OSTF1: variants seen among roughly 807,000 people sequenced by gnomAD.
The protein encoded by OSTF1 is osteoclast stimulating factor 1, also known as osteoclast-stimulating factor 1.
A neutral mutation model predicts 37.2 loss-of-function variants in OSTF1; 27 were observed. That is an observed-to-expected ratio of 0.73 (90% CI 0.54 to 1.00). The LOEUF (loss-of-function observed/expected upper bound fraction) is 1.00, where lower values mean the gene tolerates loss of function less well. Ranked by LOEUF, OSTF1 falls within the 50% of genes least tolerant of loss-of-function variation. The pLI is 0.00. For missense variants in OSTF1, 232 were observed against 253.8 expected (o/e 0.91, Z 0.58); for synonymous variants, 82 against 89.2 (o/e 0.92, Z 0.46).
intron 2 of OSTF1, 107 bp downstream of exon 2, chr9:75,117,657 G>T: frequency 1.2e-6 from 1 of 815,478 alleles, no homozygotes; most frequent in South Asian, 1.5e-5. Flanking sequence ...GATAGACCTA[G>T]GTAATTCTCA....
chr9:75,096,500 C>T (rs571007792), intron 1 of OSTF1, among the ~76,000 whole-genome samples: 4 of 152,330 alleles, frequency 2.6e-5, no homozygotes, highest in Admixed American at 2.0e-4. Context: ...GGGAGACCCT[C>T]TAACCAACTC....
intron 1 of OSTF1, among the ~76,000 whole-genome samples, chr9:75,103,496 T>A (rs1235882520): frequency 6.6e-6 from 1 of 152,246 alleles, no homozygotes; most frequent in Non-Finnish European, 1.5e-5. Context: ...CAGTTTTTCT[T>A]CTATGCAGAT....
chr9:75,119,968 A>T (rs980539517), intron 2 of OSTF1, among the ~76,000 whole-genome samples: 11 of 151,454 alleles, frequency 7.3e-5, no homozygotes, highest in African/African-American at 1.7e-4. Flanking sequence ...GTCTTAATAA[A>T]AAAAAAAAAA....
intron 1 of OSTF1, among the ~76,000 whole-genome samples, chr9:75,111,136 C>T (rs4745379): frequency 0.97 from 148,331 of 152,280 alleles, 72,260 homozygotes; most frequent in East Asian, 1. Flanking sequence ...CCCAGGCCCG[C>T]CTAAGTGCTG....
intron 1 of OSTF1, among the ~76,000 whole-genome samples, chr9:75,091,494 C>G (rs1024807709): frequency 3.3e-5 from 5 of 152,168 alleles, no homozygotes; most frequent in African/African-American, 9.7e-5. Flanking sequence ...TACAGACTTT[C>G]TTGTCACAAA....
intron 2 of OSTF1, among the ~76,000 whole-genome samples, chr9:75,123,339 G>C (rs1188517925): frequency 2.6e-5 from 4 of 152,168 alleles, no homozygotes; most frequent in Non-Finnish European, 4.4e-5. Flanking sequence ...GGAGAATGGC[G>C]TGAACCCTTG....
chr9:75,115,994 C>T (rs1467630188), intron 1 of OSTF1, among the ~76,000 whole-genome samples: 2 of 152,056 alleles, frequency 1.3e-5, no homozygotes, highest in Non-Finnish European at 2.9e-5. Context: ...GTCCCAGTCA[C>T]TCTGGAGGCT....
At chr9:75,136,366 C>T (rs933958845) in intron 7 of OSTF1, among the ~76,000 whole-genome samples, 19 of 152,094 alleles carry the variant, frequency 1.2e-4, no homozygotes, top group African/African-American at 4.1e-4. Flanking sequence ...AGGCTTTCCA[C>T]GAACACTTGG....
chr9:75,145,713 G>C (rs1323318284), intron 9 of OSTF1, among the ~76,000 whole-genome samples: 2 of 152,198 alleles, frequency 1.3e-5, no homozygotes, highest in African/African-American at 4.8e-5. Context: ...TGACAGATGA[G>C]TTCTTTTTGG....
intron 9 of OSTF1, among the ~76,000 whole-genome samples, chr9:75,142,805 TCTTG>T (rs1825963380): frequency 6.6e-6 from 1 of 152,226 alleles, no homozygotes; most frequent in Admixed American, 6.5e-5. Context: ...AAATGTTTTT[TCTTG>T]CTTCATTTCC....
intron 7 of OSTF1, among the ~76,000 whole-genome samples, chr9:75,136,360 T>C (rs1825843025): frequency 6.6e-6 from 1 of 152,232 alleles, no homozygotes; most frequent in Admixed American, 6.5e-5. Flanking sequence ...TATTGTAGGC[T>C]TTCCACGAAC....
chr9:75,098,440 T>C (rs1187064988), intron 1 of OSTF1, among the ~76,000 whole-genome samples: 1 of 152,168 alleles, frequency 6.6e-6, no homozygotes, highest in Non-Finnish European at 1.5e-5. Flanking sequence ...TTTCTTTTCT[T>C]GTAGCTGTCT....
intron 8 of OSTF1, among the ~76,000 whole-genome samples, chr9:75,139,513 C>T (rs1177971323): frequency 6.6e-6 from 1 of 152,132 alleles, no homozygotes; most frequent in Non-Finnish European, 1.5e-5. Context: ...ATTGCAGTCT[C>T]CGCCTCCTGG....
chr9:75,126,866 C>T (rs1340775774), intron 2 of OSTF1, among the ~76,000 whole-genome samples: 1 of 152,210 alleles, frequency 6.6e-6, no homozygotes, highest in Non-Finnish European at 1.5e-5. Flanking sequence ...GCTGGGATTA[C>T]AGGCATGAGC....
chr9:75,099,200 A>C (rs554956781), intron 1 of OSTF1, among the ~76,000 whole-genome samples: 1 of 151,876 alleles, frequency 6.6e-6, no homozygotes, highest in Non-Finnish European at 1.5e-5. Context: ...GGCCTCCCAA[A>C]GTGCTGGGAT....
chr9:75,097,255 C>T (rs933409673), intron 1 of OSTF1, among the ~76,000 whole-genome samples: 13 of 152,154 alleles, frequency 8.5e-5, no homozygotes, highest in South Asian at 6.2e-4. Context: ...TGGGCCTATC[C>T]GAAGCTGAAA....
At chr9:75,146,339 A>T (rs1190963421) in intron 9 of OSTF1, among the ~76,000 whole-genome samples, 1 of 152,186 alleles carries the variant, frequency 6.6e-6, no homozygotes. Flanking sequence ...TCAGGCTGTC[A>T]CTGGGAGAGG....
At position 75,146,667 on chromosome 9, in the gene OSTF1, C is replaced by T. The variant is rs773186063; in HGVS notation, c.587-16C>T. ...TAATTTCCCTATTTTGCTTTTTTCCCTCCTCTTTCTTTCAGATGCAGTTCG... is the reference window on the plus strand; with the variant it reads ...TAATTTCCCTATTTTGCTTTTTTCCTTCCTCTTTCTTTCAGATGCAGTTCG... On this transcript the variant is annotated splice_polypyrimidine_tract_variant and intron_variant, in intron 9 of 9. Coordinates refer to ENST00000346234, the MANE Select transcript of OSTF1 (RefSeq NM_012383.5). 3.1e-6 allele frequency: 5 copies of T among 1,595,082 alleles called. No homozygotes were observed. The highest frequency in any genetic ancestry group is 4.3e-6 in the Non-Finnish European group (5 of 1,167,856).
intron 1 of OSTF1, among the ~76,000 whole-genome samples, chr9:75,105,359 T>G (rs1184435406): frequency 6.6e-6 from 1 of 152,208 alleles, no homozygotes; most frequent in Non-Finnish European, 1.5e-5. Flanking sequence ...CACACGTTGC[T>G]CTTTTGCAGC....
Sources: gnomAD v4.1 joint callset for allele counts (sites outside exome capture counted in the v4.1 genomes callset) on GRCh38, gnomAD v4.1.1 for gene constraint, MANE v1.5 for transcripts, NCBI Gene and HGNC (gene_info 2026-07-23, HGNC 2026-07-21) for gene names.